Variants in SKP2 observed in about 807,000 individuals in gnomAD.
SKP2 encodes the protein S-phase kinase-associated protein 2.
In SKP2, 16 loss-of-function variants were observed where a neutral mutation model predicts 51.8. The ratio of observed to expected loss-of-function variants is 0.31; its 90% CI spans 0.21 to 0.47. SKP2 has a LOEUF of 0.47. Among genes scored for constraint, SKP2 ranks in the 20% least tolerant of loss-of-function variants. The pLI is 1.00. For synonymous variants in SKP2, 176 were observed against 198.6 expected, an observed-to-expected ratio of 0.89 and a Z score of 0.96; for missense variants, 377 against 505.3, an observed-to-expected ratio of 0.75 and a Z score of 2.43.
Position 36,183,432 on chromosome 5 carries a change from A to G in SKP2, c.*1401A>G. 1 of 277,306 alleles carries G rather than the reference A, an allele frequency of 3.6e-6. No homozygotes were observed. The highest frequency in any genetic ancestry group is 5.5e-6 in the Non-Finnish European group (1 of 182,902). 17.2% of individuals were successfully genotyped at this position (277,306 alleles called of 1,614,324 possible). A position where few individuals can be genotyped will look rare whatever the true frequency, so the allele number is the denominator to read the frequency against. ...CAGGCGCCCACCACCACGCCCGGCT[A>G]ATTTTTTTGTATTTTTAGTAGAGAC... On this transcript the variant is annotated 3_prime_UTR_variant, in exon 10 of 10. Transcript: ENST00000274255.
At chr5:36,166,790 G>C (rs1233546320) in intron 4 of SKP2, 128 bp downstream of exon 4, 1 of 751,270 alleles carries the variant, frequency 1.3e-6, no homozygotes, top group Non-Finnish European at 2.1e-6. Flanking sequence ...AGTGTGGGAT[G>C]TTAATTCCAT....
chr5:36,181,345 G>A (rs969685463), intron 9 of SKP2, among the ~76,000 whole-genome samples: 2 of 152,170 alleles, frequency 1.3e-5, no homozygotes, highest in Admixed American at 1.3e-4. Flanking sequence ...AGTCCTGACA[G>A]CATCTCCCTT....
At chr5:36,166,376 A>G in intron 3 of SKP2, 143 bp from the exon 4 acceptor site, 1 of 644,014 alleles carries the variant, frequency 1.6e-6, no homozygotes, top group Non-Finnish European at 2.7e-6. Flanking sequence ...AGCTAATTGT[A>G]TAGCCAACTT....
At position 36,177,310 on chromosome 5, in the gene SKP2, T is replaced by C. The variant is rs1228033580; in HGVS notation, c.1061+18T>C. 2.8e-6 allele frequency: 4 copies of C among 1,409,860 alleles called. No homozygotes were observed. In the African/African-American group the frequency reaches 4.2e-5, roughly 15 times the overall value. The allele number at this position is 1,409,860 out of a possible 1,614,324, so 87.3% of individuals were successfully genotyped here. A position where few individuals can be genotyped will look rare whatever the true frequency, so the allele number is the denominator to read the frequency against. On this transcript the variant is annotated intron_variant, in intron 9 of 9. Transcript: ENST00000274255. ...ACTTTACTGTAAGTATGTTTTGTTT[T>C]TAATGCTTAATAGAAGGCAGGAAAC...
Position 36,183,167 on chromosome 5 carries a change from A to C in SKP2, c.*1136A>C. 1.0e-6 allele frequency: 1 copy of C among 976,192 alleles called. No homozygotes were observed. Among genetic ancestry groups the C allele is most frequent in the Non-Finnish European group, 1.2e-6 (1 of 821,402 alleles). 60.5% of individuals were successfully genotyped at this position (976,192 alleles called of 1,614,324 possible). ...AGTAGTAAGCACTACTTATACCTACATAAGAGTTAAAATCCAGATGTGGGA... is the reference window on the plus strand; with the variant it reads ...AGTAGTAAGCACTACTTATACCTACCTAAGAGTTAAAATCCAGATGTGGGA... On this transcript the variant is annotated 3_prime_UTR_variant, in exon 10 of 10. Transcript: ENST00000274255.
chr5:36,160,093 C>T (rs538973659), intron 2 of SKP2, among the ~76,000 whole-genome samples: 1 of 152,298 alleles, frequency 6.6e-6, no homozygotes, highest in African/African-American at 2.4e-5. Flanking sequence ...TGTCAATTTC[C>T]TTTCCTGCAG....
intron 4 of SKP2, among the ~76,000 whole-genome samples, chr5:36,167,374 A>G (rs939381422): frequency 9.2e-5 from 14 of 151,930 alleles, no homozygotes; most frequent in African/African-American, 3.4e-4. Flanking sequence ...TCTCCTTCAC[A>G]TATGTGATTT....
Position 36,183,574 on chromosome 5 carries a change from ACTT to A in SKP2, c.*1547_*1549del, listed in dbSNP as rs1745883844. 1.9e-6 allele frequency: 2 copies of A among 1,060,126 alleles called. No homozygotes were observed. The highest frequency in any genetic ancestry group is 1.7e-5 in the African/African-American group (1 of 59,914). The allele number at this position is 1,060,126 out of a possible 1,614,324, so 65.7% of individuals were successfully genotyped here. On this transcript the variant is annotated 3_prime_UTR_variant, in exon 10 of 10. Coordinates refer to ENST00000274255, the MANE Select transcript of SKP2 (RefSeq NM_005983.4). ...GAGCAACTGCGCCCAGCCAAATTCT[ACTT>A]CTTAAAAATCACAAAAACTAGTTTA...
intron 6 of SKP2, among the ~76,000 whole-genome samples, chr5:36,190,535 C>T (rs916284153): frequency 3.9e-5 from 6 of 152,144 alleles, no homozygotes; most frequent in Non-Finnish European, 7.4e-5. Context: ...TGAATGTTCA[C>T]TGTATGCCCA....
Position 36,183,075 on chromosome 5 carries a change from G to A in SKP2, c.*1044G>A, listed in dbSNP as rs952677167. The A allele has an allele frequency of 1.0e-6, 1 of 976,354 alleles. No homozygotes were observed. The highest frequency in any genetic ancestry group is 1.8e-5 in the African/African-American group (1 of 56,932). The allele number at this position is 976,354 out of a possible 1,614,324, so 60.5% of individuals were successfully genotyped here. A position where few individuals can be genotyped will look rare whatever the true frequency, so the allele number is the denominator to read the frequency against. ...GGTTATCAGACCTACAGTTCCCTAA[G>A]AGGAACTGCATGTTCTCTTCAATCA... On this transcript the variant is annotated 3_prime_UTR_variant, in exon 10 of 10. Transcript: ENST00000274255.
intron 2 of SKP2, among the ~76,000 whole-genome samples, chr5:36,158,208 A>G (rs944271601): frequency 6.6e-6 from 1 of 152,240 alleles, no homozygotes; most frequent in Non-Finnish European, 1.5e-5. Context: ...TGGATTTAGC[A>G]GAGACAAGTG....
rs1170755981 is a variant in SKP2, at chr5:36,161,061, A to T, written c.281-2584A>T. On this transcript the variant is annotated intron_variant, in intron 2 of 9. Transcript: ENST00000274255. ...TCCCTAACCCCTGCGCCATTCCCATAAGCTGCACAGCACCCCGAATCCTAC... is the reference window on the plus strand; with the variant it reads ...TCCCTAACCCCTGCGCCATTCCCATTAGCTGCACAGCACCCCGAATCCTAC... Among the ~76,000 whole-genome samples, 3 of 151,856 alleles carry T rather than the reference A, an allele frequency of 2.0e-5. No individual in the cohort carries two copies. The East Asian group carries it at 5.8e-4, about 29-fold the overall frequency.
At chr5:36,185,595 C>G (rs1745945015), downstream of SKP2, among the ~76,000 whole-genome samples, 1 of 152,166 alleles carries the variant, frequency 6.6e-6, no homozygotes, top group Non-Finnish European at 1.5e-5. Context: ...GGGCTCCGTT[C>G]TGTTCCATTG....
chr5:36,181,207 T>C (rs1745799286), intron 9 of SKP2, among the ~76,000 whole-genome samples: 1 of 152,144 alleles, frequency 6.6e-6, no homozygotes, highest in South Asian at 2.1e-4. Flanking sequence ...AGGGTGTGAT[T>C]TTTCACCCAT....
At chr5:36,175,002 G>A (rs1354091574) in intron 7 of SKP2, among the ~76,000 whole-genome samples, 1 of 152,078 alleles carries the variant, frequency 6.6e-6, no homozygotes, top group Non-Finnish European at 1.5e-5. Flanking sequence ...GGAGTATTTC[G>A]AGCAGAGCAA....
intron 2 of SKP2, among the ~76,000 whole-genome samples, chr5:36,153,537 C>T (rs1279242244): frequency 6.6e-6 from 1 of 152,146 alleles, no homozygotes; most frequent in Non-Finnish European, 1.5e-5. Flanking sequence ...CTGGTATGTT[C>T]TGTCTCCATT....
chr5:36,170,519 A>G (rs1463848640), intron 6 of SKP2, 77 bp downstream of exon 6: 5 of 887,308 alleles, frequency 5.6e-6, no homozygotes, highest in Non-Finnish European at 8.8e-6. Context: ...ATAAAATGGG[A>G]TGAACTTTTT....
intron 5 of SKP2, among the ~76,000 whole-genome samples, chr5:36,169,689 T>C (rs1341445369): frequency 6.6e-6 from 1 of 152,208 alleles, no homozygotes; most frequent in South Asian, 2.1e-4. Flanking sequence ...ATGTGCCAGA[T>C]AGTGAATTTT....
chr5:36,192,420 A>G lies in SKP2; in HGVS notation c.633-201A>G, dbSNP rs140738247. Among the ~76,000 whole-genome samples, 537 of 152,316 alleles carry G rather than the reference A, an allele frequency of 3.5e-3. 2 individuals carry two copies. Among genetic ancestry groups the G allele is most frequent in the Middle Eastern group, 0.02 (6 of 294 alleles). ...GCATAAATAATATTGGTACAATGGAATGAATTTAAGTGATTTAAATTCTAA... is the reference window on the plus strand; with the variant it reads ...GCATAAATAATATTGGTACAATGGAGTGAATTTAAGTGATTTAAATTCTAA... On this transcript the variant is annotated intron_variant, in intron 6 of 7. Coordinates refer to the SKP2 transcript ENST00000677886.
Sources: allele counts gnomAD v4.1 joint callset (sites outside exome capture counted in the v4.1 genomes callset), GRCh38; gene constraint gnomAD v4.1.1; transcripts MANE v1.5; gene names NCBI Gene and HGNC (gene_info 2026-07-23, HGNC 2026-07-21).